The following SYT14 variants were observed in gnomAD, a reference collection of about 807,000 sequenced individuals.
SYT14 encodes the protein synaptotagmin-14.
SYT14 carries 32 observed loss-of-function variants against 74.2 expected under a neutral mutation model. That is an observed-to-expected ratio of 0.43 (90% confidence interval 0.33 to 0.58). The LOEUF is 0.58. Among genes scored for constraint, SYT14 ranks in the 20% least tolerant of loss-of-function variants. SYT14 has a pLI of 0.05. For missense variants in SYT14, 791 were observed against 981.8 expected, an observed-to-expected ratio of 0.81 and a Z score of 2.60; for synonymous variants, 298 against 337.7, an observed-to-expected ratio of 0.88 and a Z score of 1.29.
intron 2 of SYT14, among the ~76,000 whole-genome samples, chr1:209,996,213 A>G (rs569399671): frequency 6.6e-6 from 1 of 152,260 alleles, no homozygotes; most frequent in South Asian, 2.1e-4. Flanking sequence ...AAAATTAAAC[A>G]AGACTCATAG....
chr1:210,084,755 G>A (rs1262533475), intron 5 of SYT14, among the ~76,000 whole-genome samples: 2 of 152,200 alleles, frequency 1.3e-5, no homozygotes, highest in African/African-American at 4.8e-5. Flanking sequence ...AGATACCAAA[G>A]CTGTCTTAAT....
intron 6 of SYT14, among the ~76,000 whole-genome samples, chr1:210,098,130 G>A (rs1366671230): frequency 6.6e-6 from 1 of 151,326 alleles, no homozygotes; most frequent in Non-Finnish European, 1.5e-5. Context: ...AGCCATGATT[G>A]TGCCATTGCA....
intron 7 of SYT14, among the ~76,000 whole-genome samples, chr1:210,137,154 T>C (rs2102657388): frequency 6.6e-6 from 1 of 152,284 alleles, no homozygotes; most frequent in East Asian, 1.9e-4. Flanking sequence ...ATTTTGTAAT[T>C]TGTATCAATC....
At chr1:210,000,066 G>A (rs1211138432) in intron 2 of SYT14, among the ~76,000 whole-genome samples, 1 of 151,960 alleles carries the variant, frequency 6.6e-6, no homozygotes, top group Admixed American at 6.6e-5. Context: ...TTAAAGTTAT[G>A]ATTTTATTTT....
intron 5 of SYT14, among the ~76,000 whole-genome samples, chr1:210,067,242 G>T (rs2081313008): frequency 6.6e-6 from 1 of 151,942 alleles, no homozygotes; most frequent in Admixed American, 6.6e-5. Flanking sequence ...TCTTCCTACT[G>T]TATTCTTCTT....
At chr1:210,158,387 C>G (rs1256537176) in intron 8 of SYT14, among the ~76,000 whole-genome samples, 1 of 152,188 alleles carries the variant, frequency 6.6e-6, no homozygotes, top group Non-Finnish European at 1.5e-5. Context: ...ATAAATAGAA[C>G]ATTGTTTAGG....
chr1:209,947,831 T>TAAATG (rs1459226344), intron 1 of SYT14, among the ~76,000 whole-genome samples: 1 of 152,204 alleles, frequency 6.6e-6, no homozygotes, highest in African/African-American at 2.4e-5. Context: ...TAAACTTCAT[T>TAAATG]GTCTAATTTT....
chr1:210,028,025 T>C (rs1428946580), intron 5 of SYT14, among the ~76,000 whole-genome samples: 4 of 152,092 alleles, frequency 2.6e-5, no homozygotes, highest in African/African-American at 9.7e-5. Flanking sequence ...TTCATCATCC[T>C]AAACAGAAAC....
At chr1:210,169,221 G>GTTTTGTTTTTTTTTTTTTTTTTTT (rs2083492384) in exon 10 of SYT14, 1 of 50,248 alleles carries the variant, frequency 2.0e-5, no homozygotes, top group Non-Finnish European at 3.8e-5. Flanking sequence ...TGTTTTTGGT[G>GTTTTGTTTTTTTTTTTTTTTTTTT]TTTTTTTTTT....
Position 210,139,265 on chromosome 1 carries a change from CTTTTTT to C in SYT14, c.2035-16439_2035-16434del, listed in dbSNP as rs960923188. On this transcript the variant is annotated intron_variant, in intron 7 of 9. Transcript: ENST00000637265. ...CCAGGCCTGGCTAATTTTCTTTTTT[CTTTTTT>C]TTTTTTTTTTTTTTTTGATTTTTAG... Among the ~76,000 whole-genome samples the C allele has an allele frequency of 4.7e-3, 452 of 95,806 alleles. 1 individual carries two copies. Among genetic ancestry groups the C allele is most frequent in the Non-Finnish European group, 7.4e-3 (365 of 49,568 alleles). 62.9% of individuals were successfully genotyped at this position (95,806 alleles called of 152,430 possible). A position where few individuals can be genotyped will look rare whatever the true frequency, so the allele number is the denominator to read the frequency against.
At chr1:210,128,152 C>T (rs747483028) in intron 7 of SYT14, among the ~76,000 whole-genome samples, 18 of 152,130 alleles carry the variant, frequency 1.2e-4, no homozygotes, top group African/African-American at 2.7e-4. Flanking sequence ...GCAGGACGAT[C>T]GCTTGAGGTC....
chr1:210,049,512 C>T (rs2080951019), intron 5 of SYT14, among the ~76,000 whole-genome samples: 2 of 151,498 alleles, frequency 1.3e-5, no homozygotes, highest in African/African-American at 4.9e-5. Flanking sequence ...ATACATGTGC[C>T]ATGATGGTTT....
chr1:210,042,260 A>C (rs1169465795), intron 5 of SYT14, among the ~76,000 whole-genome samples: 1 of 152,210 alleles, frequency 6.6e-6, no homozygotes, highest in Non-Finnish European at 1.5e-5. Flanking sequence ...AAGCACAGTG[A>C]AACAAATGAG....
At chr1:210,009,561 CATAAG>C (rs1320822296) in intron 2 of SYT14, among the ~76,000 whole-genome samples, 1 of 151,468 alleles carries the variant, frequency 6.6e-6, no homozygotes, top group Non-Finnish European at 1.5e-5. Context: ...AGATATGTAA[CATAAG>C]ATATTTACCA....
chr1:210,148,922 T>C (rs966922007), intron 7 of SYT14, among the ~76,000 whole-genome samples: 1 of 152,132 alleles, frequency 6.6e-6, no homozygotes, highest in Non-Finnish European at 1.5e-5. Flanking sequence ...TATAAACATA[T>C]ATGCAGAAAC....
chr1:210,072,996 G>T (rs2081422551), intron 5 of SYT14, among the ~76,000 whole-genome samples: 2 of 112,814 alleles, frequency 1.8e-5, no homozygotes, highest in African/African-American at 3.4e-5. Flanking sequence ...ATTTCCTTTT[G>T]AATTGCAATC....
chr1:210,057,093 C>T lies in SYT14; in HGVS notation c.1312+35839C>T, dbSNP rs145342240. Among the ~76,000 whole-genome samples, 559 of 152,210 alleles carry T rather than the reference C, an allele frequency of 3.7e-3. 2 individuals are homozygous for T. Among genetic ancestry groups the T allele is most frequent in the Admixed American group, 7.1e-3 (109 of 15,298 alleles). ...CTCCTGACCTCAAGTGATCTGCCTTCCTCGGCCTCCCAAAGTGCAGGGATT... is the reference window on the plus strand; with the variant it reads ...CTCCTGACCTCAAGTGATCTGCCTTTCTCGGCCTCCCAAAGTGCAGGGATT... On this transcript the variant is annotated intron_variant, in intron 5 of 9. Coordinates refer to ENST00000637265, the Ensembl canonical transcript of SYT14.
In SYT14 at chr1:209,943,508, C is replaced by CAA. The variant is rs58806792; in HGVS notation, c.-534+5259_-534+5260dup. On this transcript the variant is annotated intron_variant, in intron 1 of 9. Coordinates refer to ENST00000637265, the Ensembl canonical transcript of SYT14. ...TGGACAACAGAGCGAGATTCAATCT[C>CAA]AAAAAAAAAAAAAAAAAAAAAAAAA... Among the ~76,000 whole-genome samples the CAA allele has an allele frequency of 1.3e-3, 76 of 59,332 alleles. 4 individuals carry two copies. Among genetic ancestry groups the CAA allele is most frequent in the African/African-American group, 4.0e-3 (59 of 14,904 alleles). The allele number at this position is 59,332 out of a possible 152,430, so 38.9% of individuals were successfully genotyped here. A position where few individuals can be genotyped will look rare whatever the true frequency, so the allele number is the denominator to read the frequency against.
At chr1:210,004,206 AT>A (rs747645110) in intron 2 of SYT14, among the ~76,000 whole-genome samples, 14 of 152,236 alleles carry the variant, frequency 9.2e-5, no homozygotes, top group Non-Finnish European at 2.1e-4. Flanking sequence ...CCTTGAAATT[AT>A]CCATATTGAA....
Sources: gnomAD v4.1 joint callset for allele counts (sites outside exome capture counted in the v4.1 genomes callset) on GRCh38, gnomAD v4.1.1 for gene constraint, MANE v1.5 for transcripts, NCBI Gene and HGNC (gene_info 2026-07-23, HGNC 2026-07-21) for gene names.